CTNNA2: variants seen among roughly 807,000 people sequenced by gnomAD.
The protein encoded by CTNNA2 is catenin alpha-2.
A neutral mutation model predicts 101.0 loss-of-function variants in CTNNA2; 42 were observed. That is an observed-to-expected ratio of 0.42 (90% CI 0.32 to 0.54). The LOEUF (loss-of-function observed/expected upper bound fraction) is 0.54, where lower values mean the gene tolerates loss of function less well. CTNNA2 is among the 20% of genes least tolerant of loss of function. The pLI is 0.14. For missense variants in CTNNA2, 871 were observed against 1,223.1 expected (o/e 0.71, Z 4.29); for synonymous variants, 450 against 456.4 (o/e 0.99, Z 0.18).
chr2:80,078,283 C>T (rs1490546993), intron 7 of CTNNA2, among the ~76,000 whole-genome samples: 1 of 152,022 alleles, frequency 6.6e-6, no homozygotes, highest in East Asian at 1.9e-4. Flanking sequence ...AGAACTTCAA[C>T]AGGAAGTGCA....
At chr2:79,959,706 T>A (rs1689499312) in intron 7 of CTNNA2, among the ~76,000 whole-genome samples, 1 of 152,218 alleles carries the variant, frequency 6.6e-6, no homozygotes, top group Non-Finnish European at 1.5e-5. Context: ...TGTGGCCCCT[T>A]CTAAGCCATT....
chr2:79,352,796 T>C (rs746231273), intron 3 of CTNNA2, among the ~76,000 whole-genome samples: 51 of 152,208 alleles, frequency 3.4e-4, no homozygotes, highest in Non-Finnish European at 6.3e-4. Context: ...TAAAGACATA[T>C]CTGAGACTGG....
chr2:79,672,912 A>T (rs929711004), intron 2 of CTNNA2, among the ~76,000 whole-genome samples: 6 of 151,928 alleles, frequency 3.9e-5, no homozygotes, highest in Non-Finnish European at 1.5e-5. Context: ...GTTTCCATGT[A>T]GGCCAGGCTG....
intron 4 of CTNNA2, among the ~76,000 whole-genome samples, chr2:79,864,313 G>A (rs1290052617): frequency 6.6e-6 from 1 of 152,166 alleles, no homozygotes; most frequent in Non-Finnish European, 1.5e-5. Context: ...GATTAAGAGA[G>A]GAGTCTTGGA....
At chr2:79,784,748 G>A (rs1323138785) in intron 3 of CTNNA2, among the ~76,000 whole-genome samples, 1 of 126,384 alleles carries the variant, frequency 7.9e-6, no homozygotes, top group Non-Finnish European at 1.5e-5. Context: ...ATATCATGTA[G>A]CAGAGAATGA....
At chr2:79,833,842 CTTCTT>C (rs1408063796) in intron 3 of CTNNA2, among the ~76,000 whole-genome samples, 1 of 152,148 alleles carries the variant, frequency 6.6e-6, no homozygotes. Flanking sequence ...TTATTTGAAA[CTTCTT>C]TAATATTTTC....
At chr2:80,578,043 A>C (rs899359419) in intron 13 of CTNNA2, among the ~76,000 whole-genome samples, 18 of 152,198 alleles carry the variant, frequency 1.2e-4, no homozygotes, top group African/African-American at 4.1e-4. Flanking sequence ...GTTGCAGAGG[A>C]ATAGAGCACC....
Position 79,818,922 on chromosome 2 carries a change from T to C in CTNNA2, c.299-39091T>C, listed in dbSNP as rs28624765. Among the ~76,000 whole-genome samples the C allele has an allele frequency of 9.1e-4, 105 of 114,940 alleles. 1 individual carries two copies. The highest frequency in any genetic ancestry group is 4.5e-3 in the Middle Eastern group (1 of 220). The allele number at this position is 114,940 out of a possible 152,430, so 75.4% of individuals were successfully genotyped here. ...ACACACACACACACACACACACACA[T>C]ACACACAAAAGTATTGCTTTATCCC... On this transcript the variant is annotated intron_variant, in intron 3 of 18. Transcript: ENST00000402739.
chr2:79,597,411 G>T (rs897973367), intron 1 of CTNNA2, among the ~76,000 whole-genome samples: 1 of 150,596 alleles, frequency 6.6e-6, no homozygotes, highest in African/African-American at 2.5e-5. Flanking sequence ...GGCGGAGCTT[G>T]CAGTGAGTCG....
At chr2:79,992,509 A>G (rs1692253455) in intron 7 of CTNNA2, among the ~76,000 whole-genome samples, 1 of 152,162 alleles carries the variant, frequency 6.6e-6, no homozygotes, top group Non-Finnish European at 1.5e-5. Flanking sequence ...ACTTGCGTAT[A>G]ACTTCCTTGT....
intron 3 of CTNNA2, among the ~76,000 whole-genome samples, chr2:79,814,517 A>G (rs1302123801): frequency 1.3e-5 from 2 of 152,022 alleles, no homozygotes; most frequent in Non-Finnish European, 2.9e-5. Context: ...TTCATTTAGA[A>G]TAATAGTCTC....
chr2:79,292,321 A>T (rs1277217228), intron 2 of CTNNA2, among the ~76,000 whole-genome samples: 1 of 152,188 alleles, frequency 6.6e-6, no homozygotes, highest in East Asian at 1.9e-4. Flanking sequence ...GAGCACTGGA[A>T]GAACATTTTC....
chr2:79,686,482 A>T (rs1573677497), intron 2 of CTNNA2, among the ~76,000 whole-genome samples: 2 of 152,186 alleles, frequency 1.3e-5, no homozygotes, highest in Admixed American at 1.3e-4. Flanking sequence ...TTAGTTAATG[A>T]TAATTGAATT....
At chr2:80,537,330 G>A (rs1691130898) in intron 9 of CTNNA2, among the ~76,000 whole-genome samples, 1 of 152,146 alleles carries the variant, frequency 6.6e-6, no homozygotes. Flanking sequence ...TATAATTGAT[G>A]GACATTTGGT....
At chr2:79,549,726 G>A (rs1673970187) in intron 1 of CTNNA2, among the ~76,000 whole-genome samples, 1 of 152,138 alleles carries the variant, frequency 6.6e-6, no homozygotes. Flanking sequence ...TCATCTGTCA[G>A]GACTCATCTG....
chr2:80,140,492 T>C lies in CTNNA2; in HGVS notation c.1056+230695T>C, dbSNP rs140631407. Reference sequence around the variant, plus strand: ...GTCCATGGTGACAGAAGCTCTGTCCTATCCCTTCCCACCCATCCCTCATTT... The same window carrying C: ...GTCCATGGTGACAGAAGCTCTGTCCCATCCCTTCCCACCCATCCCTCATTT... On this transcript the variant is annotated intron_variant, in intron 7 of 18. Transcript: ENST00000402739. 4.3e-3 allele frequency among the ~76,000 whole-genome samples: 649 copies of C among 152,260 alleles called. 2 individuals are homozygous for C. The highest frequency in any genetic ancestry group is 0.02 in the East Asian group (104 of 5,176).
intron 2 of CTNNA2, among the ~76,000 whole-genome samples, chr2:79,689,890 A>G (rs1341824117): frequency 6.6e-6 from 1 of 152,046 alleles, no homozygotes; most frequent in Non-Finnish European, 1.5e-5. Context: ...GTTAACTGGA[A>G]GATGAATTAA....
chr2:80,151,935 C>T (rs1227017712), intron 7 of CTNNA2, among the ~76,000 whole-genome samples: 7 of 152,256 alleles, frequency 4.6e-5, no homozygotes, highest in Non-Finnish European at 8.8e-5. Flanking sequence ...TGCAGCTTTG[C>T]TTCCCCCCTG....
rs928911588 is a variant in CTNNA2, at chr2:79,369,412, C to T, written c.-317-4419C>T. ...CCCAGTGTCTGAGTTTGTGACTCGC[C>T]GGGAGATTGTCTGTTCCTGCTGCTT... is the stretch of plus-strand genomic sequence containing the variant. On this transcript the variant is annotated intron_variant, in intron 3 of 21. Transcript: ENST00000466387. 4.6e-5 allele frequency among the ~76,000 whole-genome samples: 7 copies of T among 152,170 alleles called. No homozygotes were observed. The East Asian group carries it at 1.2e-3, about 25-fold the overall frequency.
Sources: allele counts gnomAD v4.1 joint callset (sites outside exome capture counted in the v4.1 genomes callset), GRCh38; gene constraint gnomAD v4.1.1; transcripts MANE v1.5; gene names NCBI Gene and HGNC (gene_info 2026-07-23, HGNC 2026-07-21).